TBC1D21: variants seen among roughly 807,000 people sequenced by gnomAD.
TBC1D21 encodes TBC1 domain family member 21.
Under a neutral mutation model 46.0 loss-of-function variants are expected in TBC1D21, and 38 were observed. That is an observed-to-expected ratio of 0.83 (90% confidence interval 0.64 to 1.08). The LOEUF (loss-of-function observed/expected upper bound fraction) is 1.08, where lower values mean the gene tolerates loss of function less well. Among genes scored for constraint, TBC1D21 ranks in the 50% least tolerant of loss-of-function variants. TBC1D21 has a pLI of 0.00. For missense variants in TBC1D21, 415 were observed against 417.9 expected, an observed-to-expected ratio of 0.99 and a Z score of 0.06; for synonymous variants, 151 against 157.2, an observed-to-expected ratio of 0.96 and a Z score of 0.29.
chr15:73,894,783 C>T, the TBC1D21 span, among the ~76,000 whole-genome samples: 4 of 152,182 alleles, frequency 2.6e-5, no homozygotes, highest in Non-Finnish European at 5.9e-5. Flanking sequence ...ATGGCAGAGA[C>T]CCCCTGGATG....
chr15:73,902,362 CT>C, the TBC1D21 span, among the ~76,000 whole-genome samples: 78 of 152,324 alleles, frequency 5.1e-4, no homozygotes, highest in Non-Finnish European at 1.5e-4. Flanking sequence ...TATGGAAGGC[CT>C]GTCTCTGGAG....
At chr15:73,874,806 T>A (rs932548378) in intron 1 of TBC1D21, among the ~76,000 whole-genome samples, 2 of 152,250 alleles carry the variant, frequency 1.3e-5, no homozygotes, top group Non-Finnish European at 2.9e-5. Context: ...CACAATTAGC[T>A]TTGTGAACCA....
At chr15:73,875,125 T>G (rs1467870660) in intron 1 of TBC1D21, among the ~76,000 whole-genome samples, 2 of 151,980 alleles carry the variant, frequency 1.3e-5, no homozygotes, top group Non-Finnish European at 2.9e-5. Flanking sequence ...AGTGAGTCCC[T>G]GTAATCCCAG....
intron 4 of TBC1D21, 105 bp from the exon 5 acceptor site, chr15:73,884,676 C>T: frequency 1.3e-6 from 1 of 752,664 alleles, no homozygotes; most frequent in Admixed American, 2.3e-5. Flanking sequence ...CCCTCTCCCT[C>T]CAGGATGTCC....
At chr15:73,890,375 AC>A (rs1555430498), downstream of TBC1D21, among the ~76,000 whole-genome samples, 6 of 152,328 alleles carry the variant, frequency 3.9e-5, no homozygotes, top group South Asian at 4.1e-4. Flanking sequence ...CCCCCCAGCA[AC>A]ACCTTCTCTG....
intron 8 of TBC1D21, 37 bp downstream of exon 8, chr15:73,886,649 C>A: frequency 6.3e-7 from 1 of 1,588,774 alleles, no homozygotes. Context: ...GGCTGGGCTC[C>A]ACCCATCAGG....
At chr15:73,909,043 G>A in the TBC1D21 span, among the ~76,000 whole-genome samples, 1 of 152,192 alleles carries the variant, frequency 6.6e-6, no homozygotes. Flanking sequence ...TGCAAAGTGA[G>A]GGGAGTAAGA....
chr15:73,888,641 C>G (rs1029235986), intron 10 of TBC1D21, 128 bp downstream of exon 10: 3 of 710,176 alleles, frequency 4.2e-6, no homozygotes, highest in Non-Finnish European at 4.9e-6. Context: ...TCCTCCTCTT[C>G]TTCTTCCTCC....
At chr15:73,888,390 C>G in intron 9 of TBC1D21, 40 bp from the exon 10 acceptor site, 1 of 1,559,892 alleles carries the variant, frequency 6.4e-7, no homozygotes, top group South Asian at 1.1e-5. Context: ...GAGATGTTTG[C>G]CCCAGCCCCA....
chr15:73,907,259 T>A, the TBC1D21 span, among the ~76,000 whole-genome samples: 1 of 152,208 alleles, frequency 6.6e-6, no homozygotes, highest in East Asian at 1.9e-4. Context: ...CCACAAACTG[T>A]CTGTCAACAT....
At position 73,886,588 on chromosome 15, in the gene TBC1D21, C is replaced by T. The variant is rs750952235; in HGVS notation, c.753C>T (p.Phe251=). The change falls in exon 8 of 11, where the codon TTC becomes TTT. Residue 251 remains phenylalanine (F), a synonymous_variant. Coordinates refer to ENST00000300504, the MANE Select transcript of TBC1D21 (RefSeq NM_153356.3). The part of the protein sequence containing the change: ...CFCFQRAFKS[F]DDVWRLWEVL... ...GCTTCCAGCGTGCCTTCAAGTCCTT[C>T]GATGATGTCTGGAGGCTCTGGGAGG... is the stretch of plus-strand genomic sequence containing the variant. The T allele has an allele frequency of 6.8e-6, 11 of 1,613,580 alleles. No individual in the cohort carries two copies. Among genetic ancestry groups the T allele is most frequent in the East Asian group, 2.2e-5 (1 of 44,884 alleles).
At chr15:73,891,788 C>T (rs2068338976), downstream of TBC1D21, among the ~76,000 whole-genome samples, 1 of 152,364 alleles carries the variant, frequency 6.6e-6, no homozygotes, top group South Asian at 2.1e-4. Flanking sequence ...TCTTGGCCCC[C>T]CTCTGGACTT....
chr15:73,891,857 A>C (rs1243553801), downstream of TBC1D21, among the ~76,000 whole-genome samples: 4 of 152,236 alleles, frequency 2.6e-5, no homozygotes, highest in Non-Finnish European at 5.9e-5. Flanking sequence ...ATGGCTCGGC[A>C]TGGGCCTTCA....
chr15:73,898,902 T>TATATATATATATATATATATACAC, the TBC1D21 span, among the ~76,000 whole-genome samples: 30 of 112,858 alleles, frequency 2.7e-4, no homozygotes, highest in Non-Finnish European at 2.0e-4. Context: ...TATATATATA[T>TATATATATATATATATATATACAC]ACACACACAC....
chr15:73,886,283 C>A, intron 7 of TBC1D21, 109 bp downstream of exon 7: 3 of 1,021,722 alleles, frequency 2.9e-6, no homozygotes, highest in Non-Finnish European at 4.4e-6. Context: ...GCAGCAGAAT[C>A]ATTTGATTGC....
intron 1 of TBC1D21, among the ~76,000 whole-genome samples, chr15:73,880,458 T>C (rs2068133679): frequency 6.6e-6 from 1 of 152,158 alleles, no homozygotes; most frequent in Admixed American, 6.5e-5. Flanking sequence ...GCAGTGTACA[T>C]TATTATAGAA....
At chr15:73,897,425 A>C in the TBC1D21 span, among the ~76,000 whole-genome samples, 3 of 152,256 alleles carry the variant, frequency 2.0e-5, no homozygotes, top group Non-Finnish European at 4.4e-5. Context: ...CAGGTTCAGA[A>C]TTAACAGTTA....
chr15:73,881,706 G>C lies in TBC1D21; in HGVS notation c.231G>C (p.Gln77His). 2 of 1,613,890 alleles carry C rather than the reference G, an allele frequency of 1.2e-6. No homozygotes were observed. The highest frequency in any genetic ancestry group is 1.7e-6 in the Non-Finnish European group (2 of 1,179,938). ...WKFLTGYFSW[Q>H]SSQDERLTVD... ...TCCTCACGGGCTACTTCTCATGGCA[G>C]AGTTCCCAGGATGAGCGGCTCACGG... Residue 77 changes from glutamine to histidine, a missense_variant, in exon 3 of 11, where the codon CAG (glutamine) becomes CAC (histidine). Gln to His is a conservative substitution (Grantham distance 24). Coordinates refer to ENST00000300504, the MANE Select transcript of TBC1D21 (RefSeq NM_153356.3).
chr15:73,878,069 A>G (rs919950642), intron 1 of TBC1D21, among the ~76,000 whole-genome samples: 2 of 152,260 alleles, frequency 1.3e-5, no homozygotes, highest in South Asian at 2.1e-4. Flanking sequence ...TAGCCAGTGC[A>G]GTAAAACAAG....
Sources: allele counts gnomAD v4.1 joint callset (sites outside exome capture counted in the v4.1 genomes callset), GRCh38; gene constraint gnomAD v4.1.1; transcripts MANE v1.5; gene names NCBI Gene and HGNC (gene_info 2026-07-23, HGNC 2026-07-21).